TTC39A: variants seen among roughly 807,000 people sequenced by gnomAD.
TTC39A encodes tetratricopeptide repeat protein 39A.
Under a neutral mutation model 82.3 loss-of-function variants are expected in TTC39A, and 46 were observed. That is an observed-to-expected ratio of 0.56 (90% CI 0.44 to 0.71). The LOEUF is 0.71. Among genes scored for constraint, TTC39A ranks in the 30% least tolerant of loss-of-function variants. The pLI is 0.00. For synonymous variants in TTC39A, 254 were observed against 275.2 expected, an observed-to-expected ratio of 0.92 and a Z score of 0.76; for missense variants, 543 against 712.9, an observed-to-expected ratio of 0.76 and a Z score of 2.71.
chr1:51,307,406 T>C (rs56057935), intron 6 of TTC39A, among the ~76,000 whole-genome samples: 15,902 of 152,222 alleles, frequency 0.1, 1,097 homozygotes, highest in Non-Finnish European at 0.16. Context: ...ACAATATCCC[T>C]GCAGGGAAGC....
At position 51,308,532 on chromosome 1, in the gene TTC39A, G is replaced by A. The variant is rs189276202; in HGVS notation, c.488+729C>T. Among the ~76,000 whole-genome samples the A allele has an allele frequency of 2.6e-5, 4 of 152,284 alleles. No individual in the cohort carries two copies. The East Asian group carries it at 7.7e-4, about 29-fold the overall frequency. The stretch of plus-strand genomic sequence containing the variant: ...TGGGATTACAGGCTTGAGCCACAGT[G>A]CCCAGCCTCAAATCAACTTTTAATG... On this transcript the variant is annotated intron_variant, in intron 6 of 17. Transcript: ENST00000680483.
rs531872530 is a variant in TTC39A, at chr1:51,303,160, C to T, written c.687G>A (p.Ala229=). The T allele has an allele frequency of 1.4e-4, 217 of 1,576,328 alleles. 3 individuals are homozygous for T. In the South Asian group the frequency reaches 2.0e-3, roughly 15 times the overall value. ...DYGLLQLEEG[A]SGHSFRSVLC... ...GCACAGAGCGGAAGCTGTGCCCTGA[C>T]GCTCCCTCCTCCAGCTGCAGCAGCC... is the stretch of plus-strand genomic sequence containing the variant. The change falls in exon 9 of 18, where the codon GCG becomes GCA. Residue 229 remains alanine (A), a synonymous_variant. Coordinates refer to ENST00000680483, the MANE Select transcript of TTC39A (RefSeq NM_001297663.2).
chr1:51,330,735 G>A (rs1645887726), upstream of TTC39A: 3 of 644,828 alleles, frequency 4.7e-6, no homozygotes, highest in South Asian at 4.8e-5. The surrounding 1 kb of genome is among the most constrained non-coding windows in gnomAD (Gnocchi z 4.5). Flanking sequence ...TCCGACAGGT[G>A]AGAGCCCGGC....
chr1:51,291,473 A>G (rs1427731728), intron 14 of TTC39A, among the ~76,000 whole-genome samples: 1 of 150,700 alleles, frequency 6.6e-6, no homozygotes, highest in Non-Finnish European at 1.5e-5. Context: ...CCTGGGTGAC[A>G]GAGACTCCGT....
chr1:51,311,497 C>T (rs534198546), intron 4 of TTC39A, among the ~76,000 whole-genome samples, 176 bp from the exon 5 acceptor site: 1 of 152,230 alleles, frequency 6.6e-6, no homozygotes, highest in Non-Finnish European at 1.5e-5. Flanking sequence ...TAGAAGCTAG[C>T]TCATACCCTC....
intron 2 of TTC39A, among the ~76,000 whole-genome samples, chr1:51,313,779 G>A (rs1398797778): frequency 6.6e-6 from 1 of 152,256 alleles, no homozygotes; most frequent in Non-Finnish European, 1.5e-5. Context: ...CTGGAGGATT[G>A]TTTGAGCCCA....
At chr1:51,339,470 T>C (rs1646009942) in intron 1 of TTC39A, among the ~76,000 whole-genome samples, 1 of 152,176 alleles carries the variant, frequency 6.6e-6, no homozygotes, top group Admixed American at 6.5e-5. Context: ...AGAGAAAAAT[T>C]CCTCTTTTTT....
intron 1 of TTC39A, among the ~76,000 whole-genome samples, chr1:51,339,003 T>C (rs11205835): frequency 0.035 from 5,391 of 152,324 alleles, 129 homozygotes; most frequent in African/African-American, 0.062. Context: ...CATACTCATT[T>C]ACTTGGCAGT....
intron 2 of TTC39A, among the ~76,000 whole-genome samples, chr1:51,317,741 C>T (rs1645343323): frequency 6.6e-6 from 1 of 150,680 alleles, no homozygotes; most frequent in African/African-American, 2.5e-5. Flanking sequence ...CAGAGCAACA[C>T]TCTGTCTCAA....
Position 51,321,954 on chromosome 1 carries a change from C to T in TTC39A, c.42-129G>A. 1 of 1,319,106 alleles carries T rather than the reference C, an allele frequency of 7.6e-7. No homozygotes were observed. Among genetic ancestry groups the T allele is most frequent in the Non-Finnish European group, 1.1e-6 (1 of 950,786 alleles). 81.7% of individuals were successfully genotyped at this position (1,319,106 alleles called of 1,614,324 possible). On this transcript the variant is annotated intron_variant, in intron 1 of 17. Transcript: ENST00000680483. The surrounding 1 kb of genome is among the most constrained non-coding windows in gnomAD (Gnocchi z 4.6). ...CTTGGGTGCCTGTCACGAGCTCCTC[C>T]AGGCTGCCACTCTGTACTGGGACGC...
chr1:51,309,093 C>T (rs1164045365), intron 6 of TTC39A, among the ~76,000 whole-genome samples, 168 bp downstream of exon 6: 1 of 152,182 alleles, frequency 6.6e-6, no homozygotes, highest in Non-Finnish European at 1.5e-5. Flanking sequence ...GAATATGATT[C>T]CAGGAGACTG....
upstream of TTC39A, among the ~76,000 whole-genome samples, chr1:51,333,105 G>A (rs995439571): frequency 3.3e-5 from 5 of 151,826 alleles, no homozygotes; most frequent in Admixed American, 6.6e-5. Flanking sequence ...TCAGCTACTC[G>A]GGAGGCTGAG....
Position 51,288,034 on chromosome 1 carries a change from ATCCAACTGGAGTGCCG to A in TTC39A, c.*107_*122del. On this transcript the variant is annotated 3_prime_UTR_variant, in exon 18 of 18. Coordinates refer to ENST00000680483, the MANE Select transcript of TTC39A (RefSeq NM_001297663.2). This position sits in a 1 kb window ranked among gnomAD's most constrained non-coding sequence, Gnocchi z 4.8. Reference sequence around the variant, plus strand: ...CTGCACGGATACACTATGTTGTGCCATCCAACTGGAGTGCCGGTGGACCCCAAAGGCAGGGCAGGGC... The same window carrying A: ...CTGCACGGATACACTATGTTGTGCCAGTGGACCCCAAAGGCAGGGCAGGGC... The A allele has an allele frequency of 7.0e-7, 1 of 1,429,966 alleles. No homozygotes were observed. The highest frequency in any genetic ancestry group is 9.4e-7 in the Non-Finnish European group (1 of 1,065,234). The allele number at this position is 1,429,966 out of a possible 1,614,324, so 88.6% of individuals were successfully genotyped here. A position where few individuals can be genotyped will look rare whatever the true frequency, so the allele number is the denominator to read the frequency against.
At chr1:51,340,523 C>T (rs539210145) in intron 1 of TTC39A, among the ~76,000 whole-genome samples, 22 of 152,294 alleles carry the variant, frequency 1.4e-4, no homozygotes, top group Admixed American at 3.9e-4. Flanking sequence ...CCCTCATCAC[C>T]GCCCCCTTTC....
At chr1:51,291,163 T>C (rs1300901443) in intron 14 of TTC39A, among the ~76,000 whole-genome samples, 1 of 152,242 alleles carries the variant, frequency 6.6e-6, no homozygotes, top group African/African-American at 2.4e-5. Flanking sequence ...ATTCCTTTTA[T>C]TCTTTTTCTT....
At chr1:51,301,813 C>A in intron 11 of TTC39A, 80 bp from the exon 12 acceptor site, 1 of 1,545,344 alleles carries the variant, frequency 6.5e-7, no homozygotes. Flanking sequence ...CCCAACACCA[C>A]AGCAGACCGG....
At chr1:51,336,940 T>C (rs1478617360) in intron 1 of TTC39A, among the ~76,000 whole-genome samples, 1 of 152,104 alleles carries the variant, frequency 6.6e-6, no homozygotes, top group African/African-American at 2.4e-5. Context: ...GGAGAATTGC[T>C]TGAGGCCAGA....
intron 1 of TTC39A, among the ~76,000 whole-genome samples, chr1:51,341,581 T>C (rs1357194725): frequency 6.6e-6 from 1 of 152,160 alleles, no homozygotes; most frequent in Admixed American, 6.6e-5. Flanking sequence ...TTTCAAGTTC[T>C]TGTCACCAGG....
At chr1:51,322,191 G>A in intron 1 of TTC39A, 1 of 1,494,286 alleles carries the variant, frequency 6.7e-7, no homozygotes, top group Non-Finnish European at 8.9e-7. Context: ...AGGGGGTGCA[G>A]CCCAGCCACT....
Sources: allele counts gnomAD v4.1 joint callset (sites outside exome capture counted in the v4.1 genomes callset), GRCh38; gene constraint gnomAD v4.1.1; non-coding constraint Gnocchi (gnomAD v3.1); transcripts MANE v1.5; gene names NCBI Gene and HGNC (gene_info 2026-07-23, HGNC 2026-07-21).